The following KCNH8 variants were observed in gnomAD, a reference collection of about 807,000 sequenced individuals.
KCNH8 encodes the protein potassium voltage-gated channel subfamily H member 8.
A neutral mutation model predicts 103.6 loss-of-function variants in KCNH8; 70 were observed. The ratio of observed to expected loss-of-function variants is 0.68; its 90% CI spans 0.56 to 0.82. The LOEUF is 0.82. Among genes scored for constraint, KCNH8 ranks in the 40% least tolerant of loss-of-function variants. The pLI is 0.00. For missense variants in KCNH8, 1,217 were observed against 1,329.9 expected, an observed-to-expected ratio of 0.92 and a Z score of 1.32; for synonymous variants, 498 against 489.4, an observed-to-expected ratio of 1.02 and a Z score of -0.23.
chr3:19,398,510 A>G (rs2066559121), intron 7 of KCNH8, among the ~76,000 whole-genome samples: 1 of 152,006 alleles, frequency 6.6e-6, no homozygotes, highest in Admixed American at 6.6e-5. Flanking sequence ...AGAGGTAGGT[A>G]GGTAGATACC....
At chr3:19,417,372 ATT>A (rs978678224) in intron 7 of KCNH8, among the ~76,000 whole-genome samples, 4 of 151,628 alleles carry the variant, frequency 2.6e-5, no homozygotes, top group Non-Finnish European at 4.4e-5. Flanking sequence ...TTTGTTATAT[ATT>A]TTGTTTGAAA....
chr3:19,309,807 T>G (rs909342102), intron 3 of KCNH8, among the ~76,000 whole-genome samples: 5 of 151,968 alleles, frequency 3.3e-5, no homozygotes, highest in African/African-American at 1.2e-4. Flanking sequence ...TTGAAACCAC[T>G]TAACGTAATA....
At chr3:19,407,384 A>G (rs1464964282) in intron 7 of KCNH8, among the ~76,000 whole-genome samples, 3 of 152,046 alleles carry the variant, frequency 2.0e-5, no homozygotes, top group Non-Finnish European at 4.4e-5. Flanking sequence ...TGGTTCAGCA[A>G]CCTGAGCTGC....
At chr3:19,249,442 C>A (rs78313896) in intron 1 of KCNH8, among the ~76,000 whole-genome samples, 2,105 of 152,208 alleles carry the variant, frequency 0.014, 26 homozygotes, top group South Asian at 0.03. Context: ...CAGAAAAGAC[C>A]AAATACGTGC....
At position 19,148,584 on chromosome 3, in the gene KCNH8, C is replaced by T; in HGVS notation, c.-136C>T. 1.2e-6 allele frequency: 1 copy of T among 808,424 alleles called. No individual in the cohort carries two copies. Among genetic ancestry groups the T allele is most frequent in the African/African-American group, 1.7e-5 (1 of 59,778 alleles). The allele number at this position is 808,424 out of a possible 1,614,324, so 50.1% of individuals were successfully genotyped here. ...TTTCTCCCTCCATCCTTCCACTTCC[C>T]CTGCTCGGCCCCGCCGTCAGGCCGG... On this transcript the variant is annotated 5_prime_UTR_variant, in exon 1 of 16. Coordinates refer to ENST00000328405, the MANE Select transcript of KCNH8 (RefSeq NM_144633.3).
intron 3 of KCNH8, among the ~76,000 whole-genome samples, chr3:19,309,467 T>C (rs1003520177): frequency 6.6e-6 from 1 of 151,974 alleles, no homozygotes; most frequent in Non-Finnish European, 1.5e-5. Flanking sequence ...AGATTCATTG[T>C]TGCACTCATT....
In KCNH8 at chr3:19,230,741, C is replaced by G. The variant is rs145626131; in HGVS notation, c.77-22913C>G. Among the ~76,000 whole-genome samples the G allele has an allele frequency of 6.9e-3, 1,045 of 152,232 alleles. 6 individuals are homozygous for G. Among genetic ancestry groups the G allele is most frequent in the Non-Finnish European group, 9.4e-3 (641 of 67,994 alleles). On this transcript the variant is annotated intron_variant, in intron 1 of 15. Transcript: ENST00000328405. ...GGTTTGCACTTAAAAAACTTACAAA[C>G]TGAAGAAAACAAGGACAGTGTGATT...
intron 3 of KCNH8, among the ~76,000 whole-genome samples, chr3:19,342,091 A>G (rs2065667982): frequency 6.6e-6 from 1 of 152,144 alleles, no homozygotes; most frequent in Admixed American, 6.6e-5. Flanking sequence ...CATTTAAAAA[A>G]TAGAGAACTA....
intron 6 of KCNH8, chr3:19,391,870 C>CT (rs1386326715): frequency 6.6e-6 from 1 of 151,838 alleles, no homozygotes; most frequent in Non-Finnish European, 1.5e-5. Flanking sequence ...ACTATAATGG[C>CT]TTAAAACCAT....
chr3:19,403,339 C>A (rs1024033552), intron 7 of KCNH8, among the ~76,000 whole-genome samples: 4 of 138,076 alleles, frequency 2.9e-5, no homozygotes, highest in East Asian at 4.3e-4. Context: ...TCTGTTCCCC[C>A]CCATGAAATA....
intron 3 of KCNH8, among the ~76,000 whole-genome samples, chr3:19,296,318 C>G (rs1384430367): frequency 6.6e-6 from 1 of 152,094 alleles, no homozygotes; most frequent in Non-Finnish European, 1.5e-5. Flanking sequence ...AAATTTTGCC[C>G]AAGTATTAAT....
At chr3:19,285,562 C>T (rs2064819358) in intron 3 of KCNH8, among the ~76,000 whole-genome samples, 1 of 152,104 alleles carries the variant, frequency 6.6e-6, no homozygotes, top group South Asian at 2.1e-4. Context: ...ATAAAAATAG[C>T]TAGCTCTTAT....
Position 19,395,232 on chromosome 3 carries a change from T to C in KCNH8, c.1098T>C (p.Leu366=). 6.2e-7 allele frequency: 1 copy of C among 1,609,734 alleles called. No homozygotes were observed. Among genetic ancestry groups the C allele is most frequent in the Non-Finnish European group, 8.5e-7 (1 of 1,178,076 alleles). The part of the protein sequence containing the change: ...LTLLMSMFAL[L]AHWMACIWYV... ...TGCTCATGTCCATGTTTGCACTCCT[T>C]GCACACTGGATGGCGTGTATCTGGT... is the stretch of plus-strand genomic sequence containing the variant. The change falls in exon 7 of 16, where the codon CTT becomes CTC. Residue 366 remains leucine, a synonymous_variant. Transcript: ENST00000328405.
At position 19,390,651 on chromosome 3, in the gene KCNH8, C is replaced by T; in HGVS notation, c.969+13C>T. 6.2e-7 allele frequency: 1 copy of T among 1,604,688 alleles called. No homozygotes were observed. Among genetic ancestry groups the T allele is most frequent in the East Asian group, 2.2e-5 (1 of 44,570 alleles). ...CAACGTCACAGTGGTGAGTAAAGAG[C>T]TCCCCGCCACATGGCCTTTAAGGTT... On this transcript the variant is annotated intron_variant, in intron 6 of 15. Transcript: ENST00000328405.
intron 5 of KCNH8, among the ~76,000 whole-genome samples, chr3:19,376,320 G>A (rs111313719): frequency 3.3e-5 from 5 of 152,254 alleles, no homozygotes; most frequent in East Asian, 1.9e-4. Context: ...TTTTGAAGCC[G>A]GTCGGAAAAG....
At chr3:19,495,921 G>C (rs2068430961) in intron 11 of KCNH8, among the ~76,000 whole-genome samples, 3 of 151,926 alleles carry the variant, frequency 2.0e-5, no homozygotes, top group Non-Finnish European at 4.4e-5. Context: ...TCACCACTCT[G>C]GTTAGCTGTA....
chr3:19,403,172 G>A (rs558488873), intron 7 of KCNH8, among the ~76,000 whole-genome samples: 40 of 151,304 alleles, frequency 2.6e-4, no homozygotes, highest in African/African-American at 8.9e-4. Flanking sequence ...TTGGTTTTCT[G>A]ATTTATAAAA....
At position 19,486,742 on chromosome 3, in the gene KCNH8, C is replaced by A. The variant is rs1296241385; in HGVS notation, c.2041-23621C>A. On this transcript the variant is annotated intron_variant, in intron 11 of 15. Transcript: ENST00000328405. ...GGTCGCCCCCCTTTGTAGCCCCGTACAAAGGTTGGGCTAGTACTGCAAAGT... is the reference window on the plus strand; with the variant it reads ...GGTCGCCCCCCTTTGTAGCCCCGTAAAAAGGTTGGGCTAGTACTGCAAAGT... 2.6e-5 allele frequency among the ~76,000 whole-genome samples: 4 copies of A among 152,270 alleles called. No homozygotes were observed. In the East Asian group the frequency reaches 5.8e-4, roughly 22 times the overall value.
intron 1 of KCNH8, among the ~76,000 whole-genome samples, chr3:19,222,611 A>G (rs2063888060): frequency 6.6e-6 from 1 of 152,212 alleles, no homozygotes; most frequent in African/African-American, 2.4e-5. Context: ...TAGTGTGACA[A>G]ATAATACAAG....
Sources: allele counts gnomAD v4.1 joint callset (sites outside exome capture counted in the v4.1 genomes callset), GRCh38; gene constraint gnomAD v4.1.1; transcripts MANE v1.5; gene names NCBI Gene and HGNC (gene_info 2026-07-23, HGNC 2026-07-21).